The following MLLT6 variants were observed in gnomAD, a reference collection of about 807,000 sequenced individuals.
MLLT6 encodes the protein protein AF-17.
In MLLT6, 22 loss-of-function variants were observed where a neutral mutation model predicts 103.0. The observed-to-expected ratio is 0.21, with a 90% confidence interval of 0.15 to 0.31. The LOEUF (loss-of-function observed/expected upper bound fraction) is 0.31. Ranked by LOEUF, MLLT6 falls within the 10% of genes least tolerant of loss-of-function variation. MLLT6 has a pLI of 1.00. For synonymous variants in MLLT6, 606 were observed against 623.5 expected (o/e 0.97, Z 0.42); for missense variants, 1,199 against 1,441.7 (o/e 0.83, Z 2.73).
intron 12 of MLLT6, chr17:38,719,130 A>G (rs868709486): frequency 6.7e-6 from 2 of 299,458 alleles, no homozygotes; most frequent in East Asian, 5.6e-5. Flanking sequence ...TTTAATCTTA[A>G]TAACAGTCAC....
In MLLT6 at chr17:38,710,459, T is replaced by G. The variant is rs542049614; in HGVS notation, c.552+884T>G. Among the ~76,000 whole-genome samples, 6 of 152,182 alleles carry G rather than the reference T, an allele frequency of 3.9e-5. No homozygotes were observed. The South Asian group carries it at 1.0e-3, about 26-fold the overall frequency. On this transcript the variant is annotated intron_variant, in intron 6 of 19. Coordinates refer to ENST00000621332, the MANE Select transcript of MLLT6 (RefSeq NM_005937.4). Reference sequence around the variant, plus strand: ...GATCAGATTTGTTTTTTAGGAAGATTACCCTGGCAGCCGCTGTGAGGCTAG... The same window carrying G: ...GATCAGATTTGTTTTTTAGGAAGATGACCCTGGCAGCCGCTGTGAGGCTAG...
chr17:38,713,302 G>A, intron 8 of MLLT6: 1 of 410,542 alleles, frequency 2.4e-6, no homozygotes, highest in Non-Finnish European at 4.3e-6. Context: ...TTCCCAGCAG[G>A]GCATGGTATG....
At position 38,720,764 on chromosome 17, in the gene MLLT6, G is replaced by A. The variant is rs748210765; in HGVS notation, c.2442+17G>A. ...TCTTCTGAGGTGGGCGCTACGAGGA[G>A]TGGGGCAGGAAGGAGGGGGAGACTC... On this transcript the variant is annotated intron_variant, in intron 16 of 19. Transcript: ENST00000621332. 1.1e-5 allele frequency: 17 copies of A among 1,611,240 alleles called. No individual in the cohort carries two copies. The highest frequency in any genetic ancestry group is 7.7e-5 in the South Asian group (7 of 91,012).
chr17:38,719,446 C>T (rs1905547377), intron 12 of MLLT6, 71 bp from the exon 13 acceptor site: 1 of 1,297,194 alleles, frequency 7.7e-7, no homozygotes, highest in Admixed American at 2.0e-5. Flanking sequence ...AATCCCATAT[C>T]CATCTGGGGG....
In MLLT6 at chr17:38,727,323, T is replaced by A; in HGVS notation, c.*1725T>A. On this transcript the variant is annotated 3_prime_UTR_variant, in exon 20 of 20. Transcript: ENST00000621332. ...AGCTGATAATGGAGGGGGGTGGGAA[T>A]CCTTCAAAGGCAATTTCTTAGGCAC... 1 of 214,482 alleles carries A rather than the reference T, an allele frequency of 4.7e-6. No individual in the cohort carries two copies. The highest frequency in any genetic ancestry group is 9.4e-6 in the Non-Finnish European group (1 of 106,396). 13.3% of individuals were successfully genotyped at this position (214,482 alleles called of 1,614,324 possible). A position where few individuals can be genotyped will look rare whatever the true frequency, so the allele number is the denominator to read the frequency against.
At position 38,717,928 on chromosome 17, in the gene MLLT6, C is replaced by T; in HGVS notation, c.1917C>T (p.Leu639=). The T allele has an allele frequency of 6.2e-7, 1 of 1,613,188 alleles. No individual in the cohort carries two copies. The highest frequency in any genetic ancestry group is 8.5e-7 in the Non-Finnish European group (1 of 1,179,152). ...CCATGGGTGCCGTTAATCCCCTCCT[C>T]TCCCAAGCTGAGAGCAGCCACACAG... The part of the protein sequence containing the change: ...GTPMGAVNPL[L]SQAESSHTEP... The change falls in exon 12 of 20, where the codon CTC becomes CTT. Residue 639 remains leucine (L), a synonymous_variant. Transcript: ENST00000621332.
intron 8 of MLLT6, 187 bp from the exon 9 acceptor site, chr17:38,715,425 C>A (rs1905291807): frequency 1.0e-6 from 1 of 968,824 alleles, no homozygotes; most frequent in Non-Finnish European, 1.4e-6. Flanking sequence ...CCAGGAGTGC[C>A]ACAGCTGCCT....
rs760176106 is a variant in MLLT6 at position 38,719,619 on chromosome 17, G to A, written c.2009+36G>A. 1.9e-6 allele frequency: 3 copies of A among 1,582,780 alleles called. No homozygotes were observed. The South Asian group carries it at 3.5e-5, about 18-fold the overall frequency. On this transcript the variant is annotated intron_variant, in intron 13 of 19. Coordinates refer to ENST00000621332, the MANE Select transcript of MLLT6 (RefSeq NM_005937.4). ...GGGCAGCCTGGAGGAGGGGCTGGGG[G>A]CAGGAGGGACACCCGAGGGAGGAGG...
chr17:38,719,773 C>T lies in MLLT6; in HGVS notation c.2033C>T (p.Ala678Val). ...AGGTCCCCCATCAGCAGCCTCCCCGCACTCTTCGACCAGACAGCCTCTGCA... is the reference window on the plus strand; with the variant it reads ...AGGTCCCCCATCAGCAGCCTCCCCGTACTCTTCGACCAGACAGCCTCTGCA... ...SSMSPISSLP[A>V]LFDQTASAPC... is the part of the protein sequence containing the mutation. The change falls in exon 14 of 20, where the codon GCA becomes GTA. Residue 678 changes from alanine to valine, a missense_variant. This residue lies in a region of MLLT6 where 1,034 missense variants were observed against 1,091.5 expected (regional missense o/e 0.95). Coordinates refer to ENST00000621332, the MANE Select transcript of MLLT6 (RefSeq NM_005937.4). The T allele has an allele frequency of 1.2e-6, 2 of 1,613,224 alleles. No individual in the cohort carries two copies. The highest frequency in any genetic ancestry group is 1.7e-6 in the Non-Finnish European group (2 of 1,179,748).
chr17:38,705,931 C>T (rs1597987574), intron 1 of MLLT6, 190 bp downstream of exon 1: 1 of 266,226 alleles, frequency 3.8e-6, no homozygotes, highest in East Asian at 7.2e-5. Flanking sequence ...GTTTTCTTGC[C>T]TATTGTTCCA....
rs1424786343 is a variant in MLLT6 at position 38,724,994 on chromosome 17, G to C, written c.3240+18G>C. The C allele has an allele frequency of 6.8e-7, 1 of 1,470,832 alleles. No individual in the cohort carries two copies. Among genetic ancestry groups the C allele is most frequent in the South Asian group, 1.3e-5 (1 of 77,272 alleles). 91.1% of individuals were successfully genotyped at this position (1,470,832 alleles called of 1,614,324 possible). On this transcript the variant is annotated intron_variant, in intron 19 of 19. Transcript: ENST00000621332. The surrounding 1 kb of genome is among the most constrained non-coding windows in gnomAD (Gnocchi z 5.4). ...AAGGAGGGGTGAGTAAGGGGCCCGG[G>C]GCCTTCCTGCCTCCCCTCTGAGGGA...
intron 16 of MLLT6, chr17:38,720,976 T>C: frequency 3.4e-6 from 2 of 584,072 alleles, no homozygotes; most frequent in Non-Finnish European, 6.1e-6. Context: ...CTTCTTAAGA[T>C]AGGCTACCCC....
rs1187179828 is a variant in MLLT6, at chr17:38,726,078, C to G, written c.*480C>G. 8.4e-6 allele frequency: 2 copies of G among 237,558 alleles called. No individual in the cohort carries two copies. Among genetic ancestry groups the G allele is most frequent in the East Asian group, 6.0e-5 (1 of 16,668 alleles). 14.7% of individuals were successfully genotyped at this position (237,558 alleles called of 1,614,324 possible). A position where few individuals can be genotyped will look rare whatever the true frequency, so the allele number is the denominator to read the frequency against. ...GTTTCTTCCCAGCTCGGGCAGATGG[C>G]AGAAGGGACCCCTTGGACTTTTTCT... On this transcript the variant is annotated 3_prime_UTR_variant, in exon 20 of 20. Coordinates refer to ENST00000621332, the MANE Select transcript of MLLT6 (RefSeq NM_005937.4).
Position 38,711,737 on chromosome 17 carries a change from G to C in MLLT6, c.553-110G>C, listed in dbSNP as rs570998175. The C allele has an allele frequency of 3.7e-6, 5 of 1,356,366 alleles. No homozygotes were observed. In the African/African-American group the frequency reaches 7.4e-5, roughly 20 times the overall value. 84.0% of individuals were successfully genotyped at this position (1,356,366 alleles called of 1,614,324 possible). ...AGGACATGAGGTCCTCTTAGTGACA[G>C]ACGGGGCACATGGGGCTGACCCCCA... On this transcript the variant is annotated intron_variant, in intron 6 of 19. Transcript: ENST00000621332.
chr17:38,719,046 TAGC>T (rs769730623), intron 12 of MLLT6: 14 of 201,742 alleles, frequency 6.9e-5, no homozygotes, highest in Non-Finnish European at 1.2e-4. Flanking sequence ...ATTATGATAA[TAGC>T]TGCAGTCATT....
rs1428493490 is a variant in MLLT6, at chr17:38,727,118, G to A, written c.*1520G>A. 4 of 232,832 alleles carry A rather than the reference G, an allele frequency of 1.7e-5. No individual in the cohort carries two copies. Among genetic ancestry groups the A allele is most frequent in the Non-Finnish European group, 2.5e-5 (3 of 117,886 alleles). The allele number at this position is 232,832 out of a possible 1,614,324, so 14.4% of individuals were successfully genotyped here. On this transcript the variant is annotated 3_prime_UTR_variant, in exon 20 of 20. Coordinates refer to ENST00000621332, the MANE Select transcript of MLLT6 (RefSeq NM_005937.4). ...ATTTTTCTGTGTGTGTTTCTGTTTG[G>A]GTTTTTGTTGTTGGGTTTTTTTTTT... is the stretch of plus-strand genomic sequence containing the variant.
chr17:38,712,122 TCTTC>T, intron 7 of MLLT6, 108 bp downstream of exon 7: 1 of 1,374,174 alleles, frequency 7.3e-7, no homozygotes, highest in South Asian at 1.9e-5. Flanking sequence ...GGCCCTGCCT[TCTTC>T]CTTCCTCTGA....
rs113869988 is a variant in MLLT6, at chr17:38,713,082, C to T, written c.819+293C>T. 3.1e-4 allele frequency: 235 copies of T among 760,906 alleles called. 1 individual carries two copies. The African/African-American group carries it at 3.3e-3, about 11-fold the overall frequency. The allele number at this position is 760,906 out of a possible 1,614,324, so 47.1% of individuals were successfully genotyped here. ...GCTCTTGTCTGCAGAGAGTGGGGGA[C>T]GGCACTCAGGCCTGCTCTCCAAGTT... On this transcript the variant is annotated intron_variant, in intron 8 of 19. Transcript: ENST00000621332.
chr17:38,705,627 G>A lies in MLLT6; in HGVS notation c.-6G>A. The A allele has an allele frequency of 6.5e-7, 1 of 1,535,032 alleles. No homozygotes were observed. The highest frequency in any genetic ancestry group is 8.8e-7 in the Non-Finnish European group (1 of 1,132,156). ...CGCCCCAGCCCCGGAGGGAGCTCAT[G>A]GGAGTATGAAGGAGATGGTAGGAGG... On this transcript the variant is annotated 5_prime_UTR_variant, in exon 1 of 20. An upstream start codon of the reference 5' UTR is lost. Transcript: ENST00000621332.
Sources: gnomAD v4.1 joint callset for allele counts (sites outside exome capture counted in the v4.1 genomes callset) on GRCh38, gnomAD v4.1.1 for gene constraint, gnomAD v4.1.1 regional missense constraint, Gnocchi (gnomAD v3.1) non-coding constraint, MANE v1.5 for transcripts, NCBI Gene and HGNC (gene_info 2026-07-23, HGNC 2026-07-21) for gene names.